The following CADPS2 variants were observed in gnomAD, a reference collection of about 807,000 sequenced individuals.
CADPS2 encodes the protein calcium-dependent secretion activator 2.
Under a neutral mutation model 172.5 loss-of-function variants are expected in CADPS2, and 93 were observed. That is an observed-to-expected ratio of 0.54 (90% CI 0.46 to 0.64). The LOEUF is 0.64. Ranked by LOEUF, CADPS2 falls within the 30% of genes least tolerant of loss-of-function variation. CADPS2 has a pLI of 0.00. For synonymous variants in CADPS2, 546 were observed against 555.2 expected (o/e 0.98, Z 0.23); for missense variants, 1,420 against 1,565.9 (o/e 0.91, Z 1.57).
At chr7:122,794,205 G>C (rs1475231520) in intron 1 of CADPS2, among the ~76,000 whole-genome samples, 3 of 151,814 alleles carry the variant, frequency 2.0e-5, no homozygotes, top group Non-Finnish European at 2.9e-5. Context: ...TTACCAAGTT[G>C]ATACCATTCT....
At chr7:122,586,106 T>C (rs1367840472) in intron 6 of CADPS2, among the ~76,000 whole-genome samples, 1 of 151,944 alleles carries the variant, frequency 6.6e-6, no homozygotes, top group Non-Finnish European at 1.5e-5. Context: ...ATGATGGCTA[T>C]AATGGCAACA....
At chr7:122,668,745 T>C (rs2081453729) in intron 2 of CADPS2, among the ~76,000 whole-genome samples, 1 of 152,324 alleles carries the variant, frequency 6.6e-6, no homozygotes, top group East Asian at 1.9e-4. Context: ...AGAGATTTGC[T>C]GGTTTTTATC....
intron 20 of CADPS2, among the ~76,000 whole-genome samples, chr7:122,394,366 C>T (rs1412162667): frequency 6.6e-6 from 1 of 151,938 alleles, no homozygotes; most frequent in African/African-American, 2.4e-5. Context: ...CTAAGTTTCA[C>T]CATTAAAAAA....
chr7:122,485,955 A>T (rs2152285311), intron 11 of CADPS2, among the ~76,000 whole-genome samples: 1 of 152,278 alleles, frequency 6.6e-6, no homozygotes, highest in South Asian at 2.1e-4. Flanking sequence ...ACAAGCCCAG[A>T]TGATGGTGCA....
intron 18 of CADPS2, 124 bp from the exon 19 acceptor site, chr7:122,414,200 T>C (rs905093548): frequency 9.0e-6 from 5 of 554,984 alleles, no homozygotes; most frequent in African/African-American, 1.9e-5. Context: ...GTGATATTTA[T>C]GAATAATGAT....
intron 2 of CADPS2, among the ~76,000 whole-genome samples, chr7:122,707,080 T>C (rs767839490): frequency 2.0e-5 from 3 of 151,742 alleles, no homozygotes; most frequent in Non-Finnish European, 4.4e-5. Context: ...AACCAGAAGG[T>C]AAGCAGGCAG....
At chr7:122,712,715 AT>A (rs2088944738) in intron 2 of CADPS2, among the ~76,000 whole-genome samples, 1 of 152,074 alleles carries the variant, frequency 6.6e-6, no homozygotes, top group African/African-American at 2.4e-5. Context: ...GTAGAAATTT[AT>A]TTTTGCACAG....
At chr7:122,485,515 C>T (rs1010271683) in intron 11 of CADPS2, among the ~76,000 whole-genome samples, 1 of 152,210 alleles carries the variant, frequency 6.6e-6, no homozygotes, top group Non-Finnish European at 1.5e-5. Context: ...GATTCTATGA[C>T]AGCTGAGAGA....
At chr7:122,728,608 AG>A (rs1363320721) in intron 2 of CADPS2, among the ~76,000 whole-genome samples, 3 of 151,806 alleles carry the variant, frequency 2.0e-5, no homozygotes, top group East Asian at 3.9e-4. Flanking sequence ...TGTTCTTTAC[AG>A]TTTTGGGGGA....
intron 2 of CADPS2, chr7:122,676,605 G>A (rs939111415): frequency 1.7e-6 from 2 of 1,165,038 alleles, no homozygotes; most frequent in African/African-American, 3.1e-5. Context: ...ACTACAGAGA[G>A]ATCCTGCTTC....
intron 2 of CADPS2, among the ~76,000 whole-genome samples, chr7:122,676,286 TC>T (rs1449897775): frequency 1.3e-5 from 2 of 152,176 alleles, no homozygotes; most frequent in East Asian, 3.9e-4. Flanking sequence ...CTTGTTAGGG[TC>T]CTTCATAAAA....
At chr7:122,586,508 A>C (rs192460816) in intron 6 of CADPS2, among the ~76,000 whole-genome samples, 1 of 152,124 alleles carries the variant, frequency 6.6e-6, no homozygotes, top group African/African-American at 2.4e-5. Context: ...ATAAAATTAT[A>C]TAAACTTGGG....
chr7:122,775,109 T>C (rs765267429), intron 1 of CADPS2, among the ~76,000 whole-genome samples: 3 of 152,216 alleles, frequency 2.0e-5, no homozygotes. Flanking sequence ...TATAAAAGTT[T>C]TATGGAAATT....
chr7:122,634,662 T>C (rs1327141467), intron 3 of CADPS2, among the ~76,000 whole-genome samples: 1 of 152,194 alleles, frequency 6.6e-6, no homozygotes, highest in African/African-American at 2.4e-5. Flanking sequence ...GTCAATTTCA[T>C]TCAGTTCTTT....
chr7:122,756,720 G>A (rs2093175451), intron 1 of CADPS2, among the ~76,000 whole-genome samples: 1 of 152,104 alleles, frequency 6.6e-6, no homozygotes, highest in African/African-American at 2.4e-5. Flanking sequence ...CCAATATGGT[G>A]AAACCCCGTC....
chr7:122,319,208 C>G lies in CADPS2; in HGVS notation c.*957G>C, dbSNP rs890988896. 1.3e-5 allele frequency: 2 copies of G among 151,930 alleles called. No individual in the cohort carries two copies. The highest frequency in any genetic ancestry group is 4.8e-5 in the African/African-American group (2 of 41,358). The allele number at this position is 151,930 out of a possible 1,614,324, so 9.4% of individuals were successfully genotyped here. ...AGTAATTCTTTTAACAATGTATGTG[C>G]CTATTAGGTACAAAGAACAGTCAGT... On this transcript the variant is annotated 3_prime_UTR_variant, in exon 30 of 30. Coordinates refer to ENST00000449022, the MANE Select transcript of CADPS2 (RefSeq NM_017954.11).
At chr7:122,711,675 C>T (rs1033996747) in intron 2 of CADPS2, among the ~76,000 whole-genome samples, 3 of 151,998 alleles carry the variant, frequency 2.0e-5, no homozygotes, top group Non-Finnish European at 4.4e-5. Flanking sequence ...TTTTTTTAGA[C>T]AGAGTCTCTC....
chr7:122,396,157 G>A (rs1031004340), intron 20 of CADPS2, among the ~76,000 whole-genome samples: 3 of 152,086 alleles, frequency 2.0e-5, no homozygotes, highest in African/African-American at 2.4e-5. Context: ...GGCATAGAGA[G>A]TTTAAGATAC....
chr7:122,547,752 T>TTC (rs2063770894), intron 8 of CADPS2, among the ~76,000 whole-genome samples: 1 of 151,738 alleles, frequency 6.6e-6, no homozygotes, highest in Non-Finnish European at 1.5e-5. Flanking sequence ...ATGAAGCCAG[T>TTC]TAAAAGTAGA....
Sources: gnomAD v4.1 joint callset for allele counts (sites outside exome capture counted in the v4.1 genomes callset) on GRCh38, gnomAD v4.1.1 for gene constraint, MANE v1.5 for transcripts, NCBI Gene and HGNC (gene_info 2026-07-23, HGNC 2026-07-21) for gene names.